NIPA2: variants seen among roughly 807,000 people sequenced by gnomAD.
NIPA2 encodes magnesium transporter NIPA2.
In NIPA2, 11 loss-of-function variants were observed where a neutral mutation model predicts 29.7. That is an observed-to-expected ratio of 0.37 (90% CI 0.23 to 0.61). The LOEUF is 0.61. Ranked by LOEUF, NIPA2 falls within the 20% of genes least tolerant of loss-of-function variation. The pLI, the probability that NIPA2 is intolerant of heterozygous loss-of-function variation, is 0.66. For missense variants in NIPA2, 426 were observed against 437.9 expected, an observed-to-expected ratio of 0.97 and a Z score of 0.24; for synonymous variants, 183 against 161.9, an observed-to-expected ratio of 1.13 and a Z score of -0.99.
At chr15:22,839,923 T>A (rs1476412034) in intron 2 of NIPA2, 133 bp downstream of exon 2, 1 of 152,124 alleles carries the variant, frequency 6.6e-6, no homozygotes, top group African/African-American at 2.4e-5. Flanking sequence ...AAAAATTAAA[T>A]CTAACATGTA....
chr15:22,864,032 TA>T (rs2058796228), intron 7 of NIPA2, among the ~76,000 whole-genome samples: 1 of 152,152 alleles, frequency 6.6e-6, no homozygotes, highest in Admixed American at 6.5e-5. Context: ...CTGAGGATAT[TA>T]GTAATTTTTT....
intron 3 of NIPA2, 99 bp from the exon 4 acceptor site, chr15:22,851,539 AT>A: frequency 2.7e-6 from 1 of 376,020 alleles, no homozygotes; most frequent in East Asian, 4.1e-5. Flanking sequence ...TGAAGGAGCT[AT>A]TTTTTCTTTA....
rs1301257119 is a variant in NIPA2, at chr15:22,863,763, C to G, written c.449-2450C>G. Among the ~76,000 whole-genome samples the G allele has an allele frequency of 3.0e-4, 45 of 152,176 alleles. 1 individual carries two copies. Among genetic ancestry groups the G allele is most frequent in the Admixed American group, 2.9e-3 (45 of 15,268 alleles). ...CGGTGTTGATTGGCCTTTATGCCATCTCACCCCTTGCATTAGTAGTTGCCC... is the reference window on the plus strand; with the variant it reads ...CGGTGTTGATTGGCCTTTATGCCATGTCACCCCTTGCATTAGTAGTTGCCC... On this transcript the variant is annotated intron_variant, in intron 7 of 7. Transcript: ENST00000337451.
rs2059188091 is a variant in NIPA2 at position 22,867,492 on chromosome 15, C to T, written c.*645C>T. 2 of 300,468 alleles carry T rather than the reference C, an allele frequency of 6.7e-6. No individual in the cohort carries two copies. The highest frequency in any genetic ancestry group is 1.2e-5 in the Non-Finnish European group (2 of 165,668). The allele number at this position is 300,468 out of a possible 1,614,324, so 18.6% of individuals were successfully genotyped here. ...GCATTCGATGGCCTTAGCACCTCATCAAGCCAGCACATCCTGCCTGCTGTT... is the reference window on the plus strand; with the variant it reads ...GCATTCGATGGCCTTAGCACCTCATTAAGCCAGCACATCCTGCCTGCTGTT... On this transcript the variant is annotated 3_prime_UTR_variant, in exon 8 of 8. Transcript: ENST00000337451.
chr15:22,867,103 T>A lies in NIPA2; in HGVS notation c.*256T>A, dbSNP rs1460872791. 11 of 485,862 alleles carry A rather than the reference T, an allele frequency of 2.3e-5. 1 individual carries two copies. Among genetic ancestry groups the A allele is most frequent in the Non-Finnish European group, 3.9e-5 (11 of 279,066 alleles). The allele number at this position is 485,862 out of a possible 1,614,324, so 30.1% of individuals were successfully genotyped here. A position where few individuals can be genotyped will look rare whatever the true frequency, so the allele number is the denominator to read the frequency against. ...AAGTATTTTACATTTTCATCCCTTC[T>A]CCAAAAGCCGAATGCACTAATGACA... On this transcript the variant is annotated 3_prime_UTR_variant, in exon 8 of 8. Coordinates refer to ENST00000337451, the MANE Select transcript of NIPA2 (RefSeq NM_030922.7).
Position 22,866,406 on chromosome 15 carries a change from G to A in NIPA2, c.642G>A (p.Arg214=), listed in dbSNP as rs769262665. Residue 214 remains arginine, a synonymous_variant, in exon 8 of 8, where the codon CGG becomes CGA. Coordinates refer to ENST00000337451, the MANE Select transcript of NIPA2 (RefSeq NM_030922.7). ...KELFAGKPVL[R]HPLAWILLLS... ...TGTTTGCAGGGAAGCCTGTGCTGCG[G>A]CATCCCCTGGCTTGGATTCTGCTGC... The A allele has an allele frequency of 1.2e-6, 2 of 1,613,968 alleles. No individual in the cohort carries two copies. The highest frequency in any genetic ancestry group is 2.7e-5 in the African/African-American group (2 of 74,900).
chr15:22,858,366 C>T (rs2141396315), intron 5 of NIPA2, among the ~76,000 whole-genome samples, 174 bp from the exon 6 acceptor site: 1 of 152,230 alleles, frequency 6.6e-6, no homozygotes, highest in Non-Finnish European at 1.5e-5. Flanking sequence ...TGCACTGCAG[C>T]CTGGGCGACA....
rs749657344 is a variant in NIPA2, at chr15:22,860,807, T to A, written c.448+18T>A. The A allele has an allele frequency of 3.2e-6, 5 of 1,561,950 alleles. No homozygotes were observed. Among genetic ancestry groups the A allele is most frequent in the Non-Finnish European group, 4.3e-6 (5 of 1,155,332 alleles). ...TGATCCAGGTAAGAAAAAAGTCTTA[T>A]TAGTCTTACTGTATTTTACTTTTTA... On this transcript the variant is annotated intron_variant, in intron 7 of 7. Transcript: ENST00000337451.
chr15:22,851,830 G>A lies in NIPA2; in HGVS notation c.99G>A (p.Lys33=), dbSNP rs7170838. The change falls in exon 4 of 8, where the codon AAG becomes AAA. Residue 33 remains lysine (K), a synonymous_variant. Coordinates refer to ENST00000337451, the MANE Select transcript of NIPA2 (RefSeq NM_030922.7). The stretch of plus-strand genomic sequence containing the variant: ...GAGGAAGTTTCATTTTGAAAAAAAA[G>A]GGCCTCCTTCGACTTGCCAGGAAAG... The part of the protein sequence containing the change: ...FIGGSFILKK[K]GLLRLARKGS... The A allele has an allele frequency of 0.18, 295,712 of 1,609,850 alleles. 29,321 individuals are homozygous for A. The highest frequency in any genetic ancestry group is 0.36 in the Admixed American group (21,266 of 59,774).
chr15:22,846,133 A>G (rs1041273761), intron 3 of NIPA2, among the ~76,000 whole-genome samples: 8 of 152,182 alleles, frequency 5.3e-5, no homozygotes, highest in Non-Finnish European at 1.2e-4. Context: ...CGCTTAGGAT[A>G]GAACGGAGAA....
At chr15:22,862,232 G>C (rs979133947) in intron 7 of NIPA2, among the ~76,000 whole-genome samples, 1 of 151,402 alleles carries the variant, frequency 6.6e-6, no homozygotes, top group African/African-American at 2.4e-5. Context: ...ATTTTTAGTA[G>C]AGACAGGGTT....
At chr15:22,860,026 CTTT>C (rs11315074) in intron 6 of NIPA2, among the ~76,000 whole-genome samples, 3 of 139,110 alleles carry the variant, frequency 2.2e-5, no homozygotes, top group Admixed American at 7.2e-5. Context: ...GATAGAGATT[CTTT>C]TTTTTTTTTT....
In NIPA2 at chr15:22,858,524, G is replaced by T; in HGVS notation, c.197-16G>T. 1 of 1,582,906 alleles carries T rather than the reference G, an allele frequency of 6.3e-7. No individual in the cohort carries two copies. The highest frequency in any genetic ancestry group is 1.1e-5 in the South Asian group (1 of 87,806). On this transcript the variant is annotated splice_polypyrimidine_tract_variant and intron_variant, in intron 5 of 7. Transcript: ENST00000337451. ...ACATTCTTACCTGAGTTTTTCTTTT[G>T]TTGTCTGTCTCTAAGTGGGAGCTGG...
At position 22,845,151 on chromosome 15, in the gene NIPA2, C is replaced by T. The variant is rs780863743; in HGVS notation, c.-210C>T. 2.0e-5 allele frequency: 3 copies of T among 152,182 alleles called. No individual in the cohort carries two copies. Among genetic ancestry groups the T allele is most frequent in the African/African-American group, 4.8e-5 (2 of 41,428 alleles). The allele number at this position is 152,182 out of a possible 1,614,324, so 9.4% of individuals were successfully genotyped here. A position where few individuals can be genotyped will look rare whatever the true frequency, so the allele number is the denominator to read the frequency against. ...AAAAAATATCTCTGTTGCAGGCTCT[C>T]CCGGCTGTGATAGACCTTCAGTTAC... is the stretch of plus-strand genomic sequence containing the variant. On this transcript the variant is annotated 5_prime_UTR_variant, in exon 3 of 8. Transcript: ENST00000337451.
chr15:22,847,936 T>C (rs979542657), intron 3 of NIPA2, among the ~76,000 whole-genome samples: 5 of 152,014 alleles, frequency 3.3e-5, no homozygotes, highest in Non-Finnish European at 5.9e-5. Context: ...TAGCTGGGAT[T>C]ACAGGCATGT....
chr15:22,856,012 G>C (rs1236945350), intron 5 of NIPA2, among the ~76,000 whole-genome samples: 3 of 152,154 alleles, frequency 2.0e-5, no homozygotes, highest in Admixed American at 2.0e-4. Context: ...CCGAGGTGAA[G>C]CAGAGAGAGG....
Position 22,851,855 on chromosome 15 carries a change from G to A in NIPA2, c.124G>A (p.Gly42Ser). ...KKGLLRLARK[G>S]SMRAGQGGHA... The stretch of plus-strand genomic sequence containing the variant: ...GGGCCTCCTTCGACTTGCCAGGAAA[G>A]GCTCTATGAGAGCAGGTAGGTTATG... Residue 42 changes from glycine to serine, a missense_variant, in exon 4 of 8, where the codon GGC becomes AGC. By Grantham distance (56) the Gly-to-Ser change is moderately conservative. Around this residue, in one of 3 missense-constraint regions of NIPA2, gnomAD observed 57 missense variants for 66.6 expected, o/e 0.86. Coordinates refer to ENST00000337451, the MANE Select transcript of NIPA2 (RefSeq NM_030922.7). 6.2e-7 allele frequency: 1 copy of A among 1,613,408 alleles called. No individual in the cohort carries two copies. The highest frequency in any genetic ancestry group is 8.5e-7 in the Non-Finnish European group (1 of 1,179,740).
intron 1 of NIPA2, chr15:22,839,236 T>TTTC: frequency 6.6e-6 from 1 of 152,338 alleles, no homozygotes; most frequent in African/African-American, 2.4e-5. Context: ...AAACAAGCCT[T>TTTC]AGAAGTCTGC....
chr15:22,844,796 C>T (rs1361726294), intron 2 of NIPA2, among the ~76,000 whole-genome samples: 2 of 152,104 alleles, frequency 1.3e-5, no homozygotes, highest in East Asian at 3.8e-4. Context: ...CCCTTCCCCT[C>T]CCACACACAG....
Sources: gnomAD v4.1 joint callset for allele counts (sites outside exome capture counted in the v4.1 genomes callset) on GRCh38, gnomAD v4.1.1 for gene constraint, gnomAD v4.1.1 regional missense constraint, MANE v1.5 for transcripts, NCBI Gene and HGNC (gene_info 2026-07-23, HGNC 2026-07-21) for gene names.